NALCN: variants seen among roughly 807,000 people sequenced by gnomAD.
NALCN encodes sodium leak channel, non-selective.
A neutral mutation model predicts 225.3 loss-of-function variants in NALCN; 111 were observed. The ratio of observed to expected loss-of-function variants is 0.49; its 90% CI spans 0.42 to 0.58. The LOEUF is 0.58. NALCN is among the 20% of genes least tolerant of loss of function. The pLI is 0.00. For missense variants in NALCN, 1,378 were observed against 2,202.4 expected (o/e 0.63, Z 7.49); for synonymous variants, 764 against 769.0 (o/e 0.99, Z 0.11).
At chr13:101,147,555 C>A (rs987426161) in intron 15 of NALCN, among the ~76,000 whole-genome samples, 6 of 151,938 alleles carry the variant, frequency 3.9e-5, no homozygotes, top group African/African-American at 9.7e-5. Flanking sequence ...TTTTAACAAA[C>A]AAAAACAAAA....
rs142520648 is a variant in NALCN at position 101,404,046 on chromosome 13, C to T, written c.-39-4881G>A. Reference sequence around the variant, plus strand: ...GACGTGGATTTAACATTGAACAAAACATACTAGGTCTTTTCCCTCCATGTT... The same window carrying T: ...GACGTGGATTTAACATTGAACAAAATATACTAGGTCTTTTCCCTCCATGTT... On this transcript the variant is annotated intron_variant, in intron 1 of 43. Transcript: ENST00000251127. 1.6e-4 allele frequency among the ~76,000 whole-genome samples: 24 copies of T among 152,308 alleles called. No homozygotes were observed. In the East Asian group the frequency reaches 4.6e-3, roughly 29 times the overall value.
chr13:101,224,020 C>G (rs988256822), intron 13 of NALCN, among the ~76,000 whole-genome samples: 6 of 152,248 alleles, frequency 3.9e-5, no homozygotes, highest in East Asian at 1.9e-4. Flanking sequence ...AAGGACCTTA[C>G]CAGATCATCC....
intron 1 of NALCN, among the ~76,000 whole-genome samples, chr13:101,400,544 A>AGTGTGTGTGT (rs376844190): frequency 2.2e-5 from 3 of 135,150 alleles, no homozygotes; most frequent in Non-Finnish European, 3.4e-5. Context: ...ACATGTTTGC[A>AGTGTGTGTGT]GTGTGTGTGT....
At chr13:101,188,624 A>G (rs1408195425) in intron 14 of NALCN, among the ~76,000 whole-genome samples, 2 of 150,536 alleles carry the variant, frequency 1.3e-5, no homozygotes, top group African/African-American at 2.4e-5. Flanking sequence ...ACACACATAT[A>G]TACATATATA....
chr13:101,064,958 C>T (rs112870938), intron 40 of NALCN, among the ~76,000 whole-genome samples: 10 of 152,318 alleles, frequency 6.6e-5, no homozygotes, highest in African/African-American at 2.2e-4. Context: ...GCAACCATCA[C>T]AGAGCAGGCC....
intron 6 of NALCN, among the ~76,000 whole-genome samples, chr13:101,355,901 A>G (rs1384309173): frequency 6.6e-6 from 1 of 152,210 alleles, no homozygotes; most frequent in African/African-American, 2.4e-5. Context: ...AAACTCACTC[A>G]AAACAACACA....
At chr13:101,387,374 G>T (rs12871005) in intron 3 of NALCN, among the ~76,000 whole-genome samples, 1 of 151,214 alleles carries the variant, frequency 6.6e-6, no homozygotes, top group Non-Finnish European at 1.5e-5. Flanking sequence ...CTATTCCTTA[G>T]AAATATTTTA....
At position 101,082,904 on chromosome 13, in the gene NALCN, G is replaced by A. The variant is rs112243592; in HGVS notation, c.3691-21C>T. 1.7e-5 allele frequency: 28 copies of A among 1,613,490 alleles called. 2 individuals carry two copies. Among genetic ancestry groups the A allele is most frequent in the Admixed American group, 1.5e-4 (9 of 60,020 alleles). ...TCCCACTGCAACAGAAACAGCACAC[G>A]AGTCGTTGCCCACGTCCATCGGACA... On this transcript the variant is annotated intron_variant, in intron 32 of 43. Transcript: ENST00000251127.
At chr13:101,164,342 A>G (rs1241823367) in intron 15 of NALCN, among the ~76,000 whole-genome samples, 1 of 152,082 alleles carries the variant, frequency 6.6e-6, no homozygotes, top group Non-Finnish European at 1.5e-5. Flanking sequence ...CCCAGGCTAG[A>G]ATGCAGTGGC....
intron 9 of NALCN, 82 bp downstream of exon 9, chr13:101,291,908 G>T (rs183124253): frequency 2.2e-6 from 3 of 1,376,548 alleles, no homozygotes; most frequent in Admixed American, 1.8e-5. Context: ...TCATGCAAGA[G>T]CTTCCCCAAG....
At chr13:101,328,866 T>G (rs1323497410) in intron 7 of NALCN, among the ~76,000 whole-genome samples, 2 of 152,160 alleles carry the variant, frequency 1.3e-5, no homozygotes, top group African/African-American at 2.4e-5. Context: ...ACCAATTCCT[T>G]CTTTTATCTG....
intron 7 of NALCN, among the ~76,000 whole-genome samples, chr13:101,342,447 C>A (rs964617340): frequency 3.9e-5 from 6 of 152,194 alleles, no homozygotes; most frequent in Non-Finnish European, 8.8e-5. Context: ...CAACTGCCTG[C>A]AGAAATGAGG....
chr13:101,287,100 C>T (rs944469315), intron 9 of NALCN, among the ~76,000 whole-genome samples: 3 of 152,168 alleles, frequency 2.0e-5, no homozygotes, highest in African/African-American at 7.2e-5. Context: ...CATCCTCAAA[C>T]ATATGCCCTT....
intron 1 of NALCN, among the ~76,000 whole-genome samples, chr13:101,412,463 C>T (rs1235995984): frequency 6.6e-6 from 1 of 152,176 alleles, no homozygotes; most frequent in African/African-American, 2.4e-5. Flanking sequence ...CTACCCCTGC[C>T]CCCACCCTGG....
intron 15 of NALCN, among the ~76,000 whole-genome samples, chr13:101,151,979 T>C (rs1245617257): frequency 6.6e-6 from 1 of 152,194 alleles, no homozygotes; most frequent in Non-Finnish European, 1.5e-5. Context: ...GTCAAATTAG[T>C]GCATAGAAGA....
chr13:101,210,777 G>T (rs1225726958), intron 13 of NALCN, among the ~76,000 whole-genome samples: 2 of 152,138 alleles, frequency 1.3e-5, no homozygotes, highest in Non-Finnish European at 1.5e-5. Flanking sequence ...GCTACTACTT[G>T]TTAAGTGCCT....
rs140077523 is a variant in NALCN at position 101,320,967 on chromosome 13, C to G, written c.799+24299G>C. ...AGATTTGCCAGTCTGCAGAGCAACA[C>G]CGTTAATTTCTTGATCATGGTATAG... is the stretch of plus-strand genomic sequence containing the variant. On this transcript the variant is annotated intron_variant, in intron 7 of 43. Coordinates refer to ENST00000251127, the MANE Select transcript of NALCN (RefSeq NM_052867.4). 6.8e-4 allele frequency among the ~76,000 whole-genome samples: 103 copies of G among 152,252 alleles called. 3 individuals carry two copies. In the South Asian group the frequency reaches 0.017, roughly 26 times the overall value.
chr13:101,318,164 C>G (rs369837173), intron 7 of NALCN, among the ~76,000 whole-genome samples: 1 of 152,156 alleles, frequency 6.6e-6, no homozygotes, highest in Admixed American at 6.5e-5. Context: ...TTTTCTCACC[C>G]GCTGGGCTCG....
chr13:101,278,262 C>T (rs2043027383), intron 10 of NALCN, among the ~76,000 whole-genome samples: 1 of 152,106 alleles, frequency 6.6e-6, no homozygotes, highest in Non-Finnish European at 1.5e-5. Flanking sequence ...CAGTGGCTCA[C>T]ACCTGTAATC....
Sources: gnomAD v4.1 joint callset for allele counts (sites outside exome capture counted in the v4.1 genomes callset) on GRCh38, gnomAD v4.1.1 for gene constraint, MANE v1.5 for transcripts, NCBI Gene and HGNC (gene_info 2026-07-23, HGNC 2026-07-21) for gene names.